ABCC2: variants seen among roughly 807,000 people sequenced by gnomAD.
ABCC2 encodes the protein ATP-binding cassette sub-family C member 2.
In ABCC2, 157 loss-of-function variants were observed where a neutral mutation model predicts 173.4. The observed-to-expected ratio is 0.91, with a 90% CI of 0.80 to 1.03. The LOEUF (loss-of-function observed/expected upper bound fraction) is 1.03, where lower values mean the gene tolerates loss of function less well. Among genes scored for constraint, ABCC2 ranks in the 50% least tolerant of loss-of-function variants. ABCC2 has a pLI of 0.00. For synonymous variants in ABCC2, 657 were observed against 693.5 expected (o/e 0.95, Z 0.83); for missense variants, 1,822 against 1,852.3 (o/e 0.98, Z 0.30).
Position 99,845,723 on chromosome 10 carries a change from G to A in ABCC2, c.4087G>A (p.Val1363Ile). ...CGGTGGTCAGATTATCATTGATGGA[G>A]TAGATATTGCTTCCATTGGGCTCCA... ...AAGGQIIIDG[V>I]DIASIGLHDL... The change falls in exon 29 of 32, where the codon GTA becomes ATA. Residue 1363 changes from valine (V) to isoleucine (I), a missense_variant. Physicochemically the swap from Val to Ile is conservative, Grantham distance 29. Transcript: ENST00000647814. 1 of 1,613,990 alleles carries A rather than the reference G, an allele frequency of 6.2e-7. No homozygotes were observed. The highest frequency in any genetic ancestry group is 8.5e-7 in the Non-Finnish European group (1 of 1,180,014).
chr10:99,832,718 G>A (rs1261269640), intron 23 of ABCC2, among the ~76,000 whole-genome samples: 1 of 152,164 alleles, frequency 6.6e-6, no homozygotes, highest in East Asian at 1.9e-4. Flanking sequence ...AATTTGGTCT[G>A]GACTATGGAA....
chr10:99,799,391 T>C (rs2037975372), intron 8 of ABCC2, 21 bp downstream of exon 8: 1 of 1,613,980 alleles, frequency 6.2e-7, no homozygotes, highest in Non-Finnish European at 8.5e-7. Context: ...AGGCCTCAGA[T>C]GGTCCTTTCA....
chr10:99,814,241 GCA>G (rs771111124), intron 16 of ABCC2, among the ~76,000 whole-genome samples: 3,301 of 39,642 alleles, frequency 0.083, 810 homozygotes, highest in Non-Finnish European at 0.12. Flanking sequence ...GTGTATATAT[GCA>G]CACACGTATG....
At chr10:99,816,463 T>C (rs902210963) in intron 16 of ABCC2, among the ~76,000 whole-genome samples, 1 of 151,954 alleles carries the variant, frequency 6.6e-6, no homozygotes, top group African/African-American at 2.4e-5. Context: ...TTTGTGTTTT[T>C]AGCAGAGATG....
rs1379667312 is a variant in ABCC2 at position 99,810,213 on chromosome 10, A to G, written c.1895A>G (p.Asn632Ser). The G allele has an allele frequency of 1.9e-6, 3 of 1,613,134 alleles. No homozygotes were observed. The highest frequency in any genetic ancestry group is 1.7e-4 in the Middle Eastern group (1 of 6,048). ...ACATCTGCCATTCGACATGACTGCAATTTTGGTAAATAAATTTGGAAGTTG... is the reference window on the plus strand; with the variant it reads ...ACATCTGCCATTCGACATGACTGCAGTTTTGGTAAATAAATTTGGAAGTTG... ...LDTSAIRHDC[N>S]FDKAMQFSEA... The change falls in exon 14 of 32, where the codon AAT becomes AGT. Residue 632 changes from asparagine (N) to serine (S), a missense_variant. Transcript: ENST00000647814.
rs1034163605 is a variant in ABCC2, at chr10:99,799,138, C to G, written c.868-69C>G. 3.8e-5 allele frequency: 60 copies of G among 1,588,532 alleles called. No individual in the cohort carries two copies. In the East Asian group the frequency reaches 1.3e-3, roughly 34 times the overall value. On this transcript the variant is annotated intron_variant, in intron 7 of 31. Transcript: ENST00000647814. The stretch of plus-strand genomic sequence containing the variant: ...AAGGCCACGGGGCTCACAGGCTGAC[C>G]ACCCTGGAGCTGCTCAGGCCAGTAA...
chr10:99,799,140 C>T, intron 7 of ABCC2, 67 bp from the exon 8 acceptor site: 2 of 1,588,874 alleles, frequency 1.3e-6, no homozygotes, highest in Non-Finnish European at 1.7e-6. Context: ...AGGCTGACCA[C>T]CCTGGAGCTG....
intron 15 of ABCC2, 37 bp downstream of exon 15, chr10:99,811,639 A>C (rs1198491500): frequency 1.2e-6 from 2 of 1,607,302 alleles, no homozygotes; most frequent in Non-Finnish European, 1.7e-6. Context: ...GTTCTTTAGC[A>C]TTCTCACTGC....
At chr10:99,790,073 T>C (rs970798120) in intron 2 of ABCC2, among the ~76,000 whole-genome samples, 3 of 152,238 alleles carry the variant, frequency 2.0e-5, no homozygotes, top group Non-Finnish European at 4.4e-5. Context: ...TACACAGCTT[T>C]GTATATACTT....
chr10:99,815,969 GTTTTTT>G (rs552969751), intron 16 of ABCC2, among the ~76,000 whole-genome samples: 83 of 135,372 alleles, frequency 6.1e-4, no homozygotes, highest in Non-Finnish European at 9.8e-4. Flanking sequence ...TTCTGGTCTT[GTTTTTT>G]TTTTTTTTTT....
chr10:99,795,516 T>C (rs550160056), intron 6 of ABCC2, among the ~76,000 whole-genome samples: 1 of 151,776 alleles, frequency 6.6e-6, no homozygotes, highest in African/African-American at 2.4e-5. Context: ...CTGGCCAACA[T>C]GGTGAAACCC....
chr10:99,814,993 G>C (rs923144769), intron 16 of ABCC2, among the ~76,000 whole-genome samples: 2 of 148,834 alleles, frequency 1.3e-5, no homozygotes, highest in African/African-American at 5.0e-5. Flanking sequence ...TTTACTTTAA[G>C]TTCCAGGATA....
intron 9 of ABCC2, among the ~76,000 whole-genome samples, chr10:99,801,870 TGAGA>T (rs1402081639): frequency 1.1e-4 from 16 of 152,222 alleles, no homozygotes; most frequent in Admixed American, 9.8e-4. Context: ...GTTGGTTCGT[TGAGA>T]GACAGTGGCA....
rs17222554 is a variant in ABCC2, at chr10:99,831,671, A to C, written c.2944A>C (p.Ile982Leu). The change falls in exon 22 of 32, where the codon ATC becomes CTC. Residue 982 changes from isoleucine (I) to leucine (L), a missense_variant. Transcript: ENST00000647814. ...QAIGLFSIFF[I>L]ILAFVMNSVA... ...AATAGGATTGTTTTCGATATTCTTCATCATCCTTGCGTTTGTGATGAATTC... is the reference window on the plus strand; with the variant it reads ...AATAGGATTGTTTTCGATATTCTTCCTCATCCTTGCGTTTGTGATGAATTC... The C allele has an allele frequency of 1.9e-6, 3 of 1,614,044 alleles. No individual in the cohort carries two copies. The African/African-American group carries it at 4.0e-5, about 22-fold the overall frequency.
chr10:99,848,891 G>A (rs1227580502), intron 30 of ABCC2, among the ~76,000 whole-genome samples: 2 of 152,122 alleles, frequency 1.3e-5, no homozygotes, highest in Non-Finnish European at 2.9e-5. Context: ...AGGTCTTTAG[G>A]CCAGTGTAAA....
chr10:99,809,361 AC>A (rs987458606), intron 13 of ABCC2, among the ~76,000 whole-genome samples: 4 of 152,186 alleles, frequency 2.6e-5, no homozygotes, highest in African/African-American at 9.6e-5. Flanking sequence ...TCAAAACAAA[AC>A]AAAACGAATC....
chr10:99,808,631 C>G (rs1247493535), intron 13 of ABCC2, among the ~76,000 whole-genome samples: 2 of 152,070 alleles, frequency 1.3e-5, no homozygotes, highest in African/African-American at 4.8e-5. Flanking sequence ...TTGCATAAAC[C>G]CATGTGTTGG....
chr10:99,842,948 G>A (rs2038968070), intron 26 of ABCC2, among the ~76,000 whole-genome samples: 1 of 152,046 alleles, frequency 6.6e-6, no homozygotes, highest in African/African-American at 2.4e-5. Context: ...AGCTACTGGG[G>A]AGGCTGAGGC....
intron 28 of ABCC2, 79 bp from the exon 29 acceptor site, chr10:99,845,545 G>A: frequency 6.4e-7 from 1 of 1,566,324 alleles, no homozygotes; most frequent in Non-Finnish European, 8.8e-7. Context: ...TACCTCCTGT[G>A]ACTGTGAATG....
Sources: allele counts gnomAD v4.1 joint callset (sites outside exome capture counted in the v4.1 genomes callset), GRCh38; gene constraint gnomAD v4.1.1; transcripts MANE v1.5; gene names NCBI Gene and HGNC (gene_info 2026-07-23, HGNC 2026-07-21).